Variants in ARAP3 observed in about 807,000 individuals in gnomAD.
ARAP3 encodes the protein arf-GAP with Rho-GAP domain, ANK repeat and PH domain-containing protein 3.
A neutral mutation model predicts 169.2 loss-of-function variants in ARAP3; 82 were observed. The ratio of observed to expected loss-of-function variants is 0.48; its 90% CI spans 0.41 to 0.58. The LOEUF (loss-of-function observed/expected upper bound fraction) is 0.58. ARAP3 is among the 20% of genes least tolerant of loss of function. The pLI is 0.00. For synonymous variants in ARAP3, 791 were observed against 800.3 expected (o/e 0.99, Z 0.20); for missense variants, 1,764 against 2,018.0 (o/e 0.87, Z 2.41).
At chr5:141,666,961 T>C (rs142810663) in intron 16 of ARAP3, among the ~76,000 whole-genome samples, 5 of 152,278 alleles carry the variant, frequency 3.3e-5, no homozygotes, top group African/African-American at 9.6e-5. Flanking sequence ...CTCATTCTTG[T>C]GCAGTGCCGT....
rs1299191462 is a variant in ARAP3 at position 141,670,016 on chromosome 5, C to A, written c.2155G>T (p.Ala719Ser). The A allele has an allele frequency of 1.3e-6, 2 of 1,597,918 alleles. No individual in the cohort carries two copies. The highest frequency in any genetic ancestry group is 1.4e-5 in the African/African-American group (1 of 73,580). ...AGGGGTTCAGGGCTGTTTTCCGATG[C>A]AAACATTTCCAGAGCTGCTCCCAGC... ...CVLGAALEMF[A>S]SENSPEPLSL... is the part of the protein sequence containing the mutation. The change falls in exon 15 of 33, where the codon GCA becomes TCA. Residue 719 changes from alanine to serine, a missense_variant. Physicochemically the swap from Ala to Ser is moderately conservative, Grantham distance 99. This residue lies in a region of ARAP3 where 1,112 missense variants were observed against 1,285.7 expected (regional missense o/e 0.86). Transcript: ENST00000239440.
chr5:141,657,706 G>C (rs2099909428), intron 25 of ARAP3, among the ~76,000 whole-genome samples: 1 of 152,212 alleles, frequency 6.6e-6, no homozygotes, highest in Non-Finnish European at 1.5e-5. Context: ...TAGTTGGTGA[G>C]TTGTGTATGA....
chr5:141,665,232 T>C, intron 18 of ARAP3, 79 bp downstream of exon 18: 1 of 1,583,924 alleles, frequency 6.3e-7, no homozygotes, highest in Non-Finnish European at 8.6e-7. Context: ...AAGTGGGCAA[T>C]GGCCCAGCAG....
chr5:141,672,443 C>T lies in ARAP3; in HGVS notation c.1385+109G>A. The T allele has an allele frequency of 2.0e-6, 3 of 1,473,566 alleles. No individual in the cohort carries two copies. Among genetic ancestry groups the T allele is most frequent in the Non-Finnish European group, 2.8e-6 (3 of 1,079,638 alleles). The allele number at this position is 1,473,566 out of a possible 1,614,324, so 91.3% of individuals were successfully genotyped here. On this transcript the variant is annotated intron_variant, in intron 9 of 32. Transcript: ENST00000239440. This position sits in a 1 kb window ranked among gnomAD's most constrained non-coding sequence, Gnocchi z 4.9. ...ATCTTGACCTAGCTCACTGGACTAC[C>T]ATCTGTGCATACCCTCTGACGTCCT...
In ARAP3 at chr5:141,673,658, T is replaced by G; in HGVS notation, c.849A>C (p.Ala283=). ...CACTGAGCAGGGGCGTGAGGCGGTC[T>G]GCCGTGAAGGAGAAGCTGGCATAGG... is the stretch of plus-strand genomic sequence containing the variant. The part of the protein sequence containing the change: ...ISPYASFSFT[A]DRLTPLLSGW... The change falls in exon 5 of 33, where the codon GCA becomes GCC. Residue 283 remains alanine (A), a synonymous_variant. Transcript: ENST00000239440. The G allele has an allele frequency of 6.2e-7, 1 of 1,614,244 alleles. No individual in the cohort carries two copies. The highest frequency in any genetic ancestry group is 1.6e-4 in the Middle Eastern group (1 of 6,062).
chr5:141,681,798 T>C (rs1457814966), intron 1 of ARAP3, among the ~76,000 whole-genome samples: 1 of 152,180 alleles, frequency 6.6e-6, no homozygotes, highest in Admixed American at 6.5e-5. Context: ...GCATCACTGC[T>C]GGCCTCCCTC....
chr5:141,669,630 G>T, intron 16 of ARAP3, 79 bp downstream of exon 16: 1 of 1,352,538 alleles, frequency 7.4e-7, no homozygotes, highest in Non-Finnish European at 1.1e-6. Context: ...AGTGGCTGTA[G>T]GAATAAGAGA....
In ARAP3 at chr5:141,662,217, G is replaced by A. The variant is rs748723382; in HGVS notation, c.2839C>T (p.Arg947Cys). Residue 947 changes from arginine (R) to cysteine (C), a missense_variant, in exon 20 of 33, where the codon CGT (arginine) becomes TGT (cysteine). Transcript: ENST00000239440. Reference protein sequence around the residue: ...LEGVYRKGGARARSLRLLAEF... With the variant: ...LEGVYRKGGACARSLRLLAEF... ...GCCAGGAGTCTCAGGCTGCGGGCAC[G>A]AGCGCCCCCTTTCCGGTATACACCT... The A allele has an allele frequency of 4.3e-6, 7 of 1,614,034 alleles. No individual in the cohort carries two copies. The highest frequency in any genetic ancestry group is 4.5e-5 in the East Asian group (2 of 44,900).
At chr5:141,667,666 G>A (rs1362386797) in intron 16 of ARAP3, among the ~76,000 whole-genome samples, 1 of 149,886 alleles carries the variant, frequency 6.7e-6, no homozygotes, top group Non-Finnish European at 1.5e-5. Flanking sequence ...GACCTCAGGT[G>A]ATCCACCTGC....
intron 27 of ARAP3, 56 bp from the exon 28 acceptor site, chr5:141,656,332 G>A: frequency 6.2e-7 from 1 of 1,606,502 alleles, no homozygotes; most frequent in Non-Finnish European, 8.5e-7. Flanking sequence ...TGGTTAATGA[G>A]GTCAAGACGT....
rs10079486 is a variant in ARAP3 at position 141,653,931 on chromosome 5, C to G, written c.*19G>C. ...CTGGGTCTTCTGGTACCTACCCTCT[C>G]AGACTGCTGGTCCTAGGGTCATGTG... On this transcript the variant is annotated 3_prime_UTR_variant, in exon 33 of 33. Coordinates refer to ENST00000239440, the MANE Select transcript of ARAP3 (RefSeq NM_022481.6). 4.4e-4 allele frequency: 671 copies of G among 1,512,904 alleles called. 3 individuals carry two copies. In the African/African-American group the frequency reaches 8.3e-3, roughly 19 times the overall value. 93.7% of individuals were successfully genotyped at this position (1,512,904 alleles called of 1,614,324 possible).
At chr5:141,665,649 C>T (rs2099910528) in intron 17 of ARAP3, among the ~76,000 whole-genome samples, 4 of 152,094 alleles carry the variant, frequency 2.6e-5, no homozygotes, top group Admixed American at 1.3e-4. Context: ...TATTATCTTA[C>T]ATTGTTCCTC....
At chr5:141,661,355 G>A (rs970618755) in intron 21 of ARAP3, among the ~76,000 whole-genome samples, 2 of 152,142 alleles carry the variant, frequency 1.3e-5, no homozygotes, top group Non-Finnish European at 2.9e-5. Context: ...GAGACACCAC[G>A]CGCCCAGCCT....
In ARAP3 at chr5:141,680,466, C is replaced by A. The variant is rs2099912802; in HGVS notation, c.21G>T (p.Leu7=). MAAPQD[L]DIAVWLATVH... ...CCGTGGCCAGCCACACAGCGATGTC[C>A]AGGTCCTGAGGGGCAGCCATGGGGG... The change falls in exon 2 of 33, where the codon CTG becomes CTT. Residue 7 remains leucine (L), a synonymous_variant. Transcript: ENST00000239440. 6.2e-7 allele frequency: 1 copy of A among 1,602,544 alleles called. No individual in the cohort carries two copies. The highest frequency in any genetic ancestry group is 1.7e-5 in the Admixed American group (1 of 59,850).
intron 16 of ARAP3, 36 bp from the exon 17 acceptor site, chr5:141,666,679 TG>T: frequency 1.8e-6 from 2 of 1,081,954 alleles, no homozygotes; most frequent in Non-Finnish European, 2.4e-6. Context: ...GAAAGGGGGA[TG>T]GGGGAAGAGA....
intron 4 of ARAP3, among the ~76,000 whole-genome samples, chr5:141,677,012 C>T (rs1023413552): frequency 3.3e-5 from 5 of 152,114 alleles, no homozygotes; most frequent in African/African-American, 7.2e-5. Context: ...CAGACCGTGG[C>T]GGCTCCAGGA....
intron 4 of ARAP3, among the ~76,000 whole-genome samples, chr5:141,674,152 G>A (rs1445564392): frequency 2.0e-5 from 3 of 152,062 alleles, no homozygotes; most frequent in Admixed American, 6.5e-5. Flanking sequence ...TAGTAGAGAC[G>A]GGGTTTCTCC....
At position 141,661,717 on chromosome 5, in the gene ARAP3, C is replaced by T. The variant is rs375379752; in HGVS notation, c.3086G>A (p.Arg1029His). The change falls in exon 21 of 33, where the codon CGC becomes CAC. Residue 1029 changes from arginine (R) to histidine (H), a missense_variant. By Grantham distance (29) the Arg-to-His change is conservative. Around this residue, in one of 3 missense-constraint regions of ARAP3, gnomAD observed 1,112 missense variants for 1,285.7 expected, o/e 0.86. Transcript: ENST00000239440. The part of the protein sequence containing the change: ...VIGCLPRVNR[R>H]TLATLIGHLY... ...ATGCCCAATGAGGGTGGCCAGTGTG[C>T]GGCGGTTGACCCGCGGCAGGCAGCC... 43 of 1,614,098 alleles carry T rather than the reference C, an allele frequency of 2.7e-5. No individual in the cohort carries two copies. Among genetic ancestry groups the T allele is most frequent in the Non-Finnish European group, 3.2e-5 (38 of 1,180,042 alleles).
chr5:141,682,005 G>A (rs1360838412), intron 1 of ARAP3, among the ~76,000 whole-genome samples, 168 bp downstream of exon 1: 1 of 151,832 alleles, frequency 6.6e-6, no homozygotes, highest in Non-Finnish European at 1.5e-5. Flanking sequence ...GAGGGAGGGG[G>A]CGAGGAGGGA....
Sources: allele counts gnomAD v4.1 joint callset (sites outside exome capture counted in the v4.1 genomes callset), GRCh38; gene constraint gnomAD v4.1.1; regional missense constraint gnomAD v4.1.1; non-coding constraint Gnocchi (gnomAD v3.1); transcripts MANE v1.5; gene names NCBI Gene and HGNC (gene_info 2026-07-23, HGNC 2026-07-21).